TSHZ3: variants seen among roughly 807,000 people sequenced by gnomAD.
TSHZ3 encodes teashirt zinc finger homeobox 3.
Under a neutral mutation model 64.5 loss-of-function variants are expected in TSHZ3, and 10 were observed. The ratio of observed to expected loss-of-function variants is 0.16; its 90% confidence interval spans 0.10 to 0.26. The LOEUF is 0.26. Ranked by LOEUF, TSHZ3 falls within the 10% of genes least tolerant of loss-of-function variation. TSHZ3 has a pLI of 1.00. For missense variants in TSHZ3, 1,242 were observed against 1,421.7 expected, an observed-to-expected ratio of 0.87 and a Z score of 2.03; for synonymous variants, 608 against 593.1, an observed-to-expected ratio of 1.03 and a Z score of -0.36.
At chr19:31,218,917 G>A (rs1975366252) in intron 4 of TSHZ3, among the ~76,000 whole-genome samples, 1 of 152,190 alleles carries the variant, frequency 6.6e-6, no homozygotes, top group African/African-American at 2.4e-5. Context: ...GAGGTAGTGG[G>A]ATTGTAATCC....
chr19:31,265,659 CAT>C (rs1054013379), intron 1 of TSHZ3, among the ~76,000 whole-genome samples: 1 of 152,084 alleles, frequency 6.6e-6, no homozygotes, highest in African/African-American at 2.4e-5. Flanking sequence ...GAACCCTAAA[CAT>C]ATGGCTTGAA....
At chr19:31,270,065 C>T (rs555772644), downstream of TSHZ3, among the ~76,000 whole-genome samples, 1 of 152,224 alleles carries the variant, frequency 6.6e-6, no homozygotes, top group Non-Finnish European at 1.5e-5. Flanking sequence ...AGTTTGCAGC[C>T]TAGATCATAT....
chr19:31,343,437 C>T (rs565783726), intron 1 of TSHZ3, among the ~76,000 whole-genome samples: 3 of 152,010 alleles, frequency 2.0e-5, no homozygotes, highest in African/African-American at 7.2e-5. Context: ...TAATTAAACC[C>T]AAGAATCTAA....
At chr19:31,214,479 T>G (rs1975300096) in intron 4 of TSHZ3, among the ~76,000 whole-genome samples, 1 of 152,178 alleles carries the variant, frequency 6.6e-6, no homozygotes, top group African/African-American at 2.4e-5. Context: ...GAACAGAGTC[T>G]TTGATTCTTG....
chr19:31,235,522 G>T (rs894460255), intron 3 of TSHZ3, among the ~76,000 whole-genome samples: 3 of 151,886 alleles, frequency 2.0e-5, no homozygotes, highest in African/African-American at 7.3e-5. Context: ...ACAAATGATA[G>T]AACTTCCTCC....
chr19:31,312,633 G>A (rs1478655406), intron 1 of TSHZ3, among the ~76,000 whole-genome samples: 2 of 152,186 alleles, frequency 1.3e-5, no homozygotes, highest in Admixed American at 6.5e-5. Flanking sequence ...GTCAGTGTTC[G>A]CTGAAATCCA....
chr19:31,287,566 G>T (rs1350427332), intron 1 of TSHZ3, among the ~76,000 whole-genome samples: 2 of 151,912 alleles, frequency 1.3e-5, no homozygotes, highest in Non-Finnish European at 2.9e-5. Flanking sequence ...AGAGGAGGGG[G>T]CCCAGCAGAG....
intron 4 of TSHZ3, among the ~76,000 whole-genome samples, chr19:31,222,507 G>C (rs913268440): frequency 6.6e-6 from 1 of 152,202 alleles, no homozygotes; most frequent in African/African-American, 2.4e-5. Flanking sequence ...CCATCTTCCT[G>C]TTCCCCAGTA....
intron 1 of TSHZ3, among the ~76,000 whole-genome samples, chr19:31,248,772 C>G (rs1256050495): frequency 1.5e-5 from 2 of 134,154 alleles, no homozygotes; most frequent in African/African-American, 5.8e-5. Flanking sequence ...CCTGGAGAGA[C>G]AGCCAGACCC....
At chr19:31,190,530 A>G (rs1455653824) in intron 5 of TSHZ3, among the ~76,000 whole-genome samples, 3 of 152,292 alleles carry the variant, frequency 2.0e-5, no homozygotes, top group South Asian at 4.1e-4. Flanking sequence ...AAATCCTAAC[A>G]TGATCAAACT....
chr19:31,308,337 C>A (rs1916356224), intron 1 of TSHZ3: 3 of 246,512 alleles, frequency 1.2e-5, no homozygotes, highest in Non-Finnish European at 1.5e-5. Context: ...GATATTACTG[C>A]AAATAGATAA....
intron 1 of TSHZ3, among the ~76,000 whole-genome samples, chr19:31,295,895 A>G (rs1177493059): frequency 6.7e-6 from 1 of 148,380 alleles, no homozygotes; most frequent in Non-Finnish European, 1.5e-5. Context: ...TGAGCATGAT[A>G]TCTAACAGGT....
chr19:31,299,023 T>C (rs1976709657), intron 1 of TSHZ3, among the ~76,000 whole-genome samples: 4 of 152,134 alleles, frequency 2.6e-5, no homozygotes, highest in Admixed American at 2.0e-4. Flanking sequence ...GGAGAAACCC[T>C]GTCTCTACTA....
chr19:31,280,652 C>T (rs906047713), intron 1 of TSHZ3, among the ~76,000 whole-genome samples: 2 of 152,206 alleles, frequency 1.3e-5, no homozygotes, highest in Admixed American at 1.3e-4. Flanking sequence ...CTTTAGACTA[C>T]TTTGTCAATA....
At chr19:31,258,303 C>T (rs1192700514) in intron 1 of TSHZ3, among the ~76,000 whole-genome samples, 1 of 152,150 alleles carries the variant, frequency 6.6e-6, no homozygotes, top group Non-Finnish European at 1.5e-5. Context: ...CTCTCAGACA[C>T]AGGAACGCAG....
chr19:31,184,829 A>T (rs78297928), intron 5 of TSHZ3, among the ~76,000 whole-genome samples: 3,154 of 152,320 alleles, frequency 0.021, 112 homozygotes, highest in African/African-American at 0.072. Context: ...CCTTACTGTC[A>T]AGAAAGCCCA....
chr19:31,248,818 A>G (rs1294839839), intron 1 of TSHZ3, among the ~76,000 whole-genome samples: 2 of 150,774 alleles, frequency 1.3e-5, no homozygotes, highest in Non-Finnish European at 2.9e-5. Context: ...AAGAAGGAAA[A>G]AGAAAAAGAA....
At chr19:31,259,813 C>T (rs1445580377) in intron 1 of TSHZ3, among the ~76,000 whole-genome samples, 1 of 152,130 alleles carries the variant, frequency 6.6e-6, no homozygotes, top group Non-Finnish European at 1.5e-5. Flanking sequence ...CGTGCCCACC[C>T]TCTAAGAACC....
chr19:31,235,598 TTC>T (rs963074923), intron 3 of TSHZ3, among the ~76,000 whole-genome samples: 1 of 147,904 alleles, frequency 6.8e-6, no homozygotes, highest in Admixed American at 6.7e-5. Flanking sequence ...TCTTTCTTTT[TTC>T]TTTCTTTCTT....
Sources: allele counts gnomAD v4.1 joint callset (sites outside exome capture counted in the v4.1 genomes callset), GRCh38; gene constraint gnomAD v4.1.1; transcripts MANE v1.5; gene names NCBI Gene and HGNC (gene_info 2026-07-23, HGNC 2026-07-21).